The following GRAMD1B variants were observed in gnomAD, a reference collection of about 807,000 sequenced individuals.
GRAMD1B encodes protein Aster-B.
Under a neutral mutation model 99.7 loss-of-function variants are expected in GRAMD1B, and 37 were observed. The ratio of observed to expected loss-of-function variants is 0.37; its 90% CI spans 0.29 to 0.49. The LOEUF (loss-of-function observed/expected upper bound fraction) is 0.49. Ranked by LOEUF, GRAMD1B falls within the 20% of genes least tolerant of loss-of-function variation. The pLI is 0.98. For missense variants in GRAMD1B, 888 were observed against 1,009.2 expected, an observed-to-expected ratio of 0.88 and a Z score of 1.63; for synonymous variants, 427 against 387.6, an observed-to-expected ratio of 1.10 and a Z score of -1.19.
chr11:123,450,186 A>C (rs1386538667), intron 1 of GRAMD1B, among the ~76,000 whole-genome samples: 2 of 152,188 alleles, frequency 1.3e-5, no homozygotes, highest in Non-Finnish European at 2.9e-5. Flanking sequence ...TATAGTCTGC[A>C]AACAGCAGTT....
At chr11:123,375,772 A>T (rs1235895652) in intron 1 of GRAMD1B, among the ~76,000 whole-genome samples, 1 of 152,198 alleles carries the variant, frequency 6.6e-6, no homozygotes, top group Non-Finnish European at 1.5e-5. Flanking sequence ...AGTACAAGGC[A>T]TGTCATGTTG....
chr11:123,441,982 G>A (rs776741369), intron 1 of GRAMD1B, among the ~76,000 whole-genome samples: 19 of 152,138 alleles, frequency 1.2e-4, no homozygotes, highest in South Asian at 2.1e-4. Flanking sequence ...TAGTCCATGC[G>A]TTGAGGATAG....
At chr11:123,390,397 G>A (rs1223181541) in intron 1 of GRAMD1B, among the ~76,000 whole-genome samples, 5 of 152,230 alleles carry the variant, frequency 3.3e-5, no homozygotes, top group Admixed American at 2.6e-4. Flanking sequence ...CACTCTGTAC[G>A]CATCACCCTG....
intron 2 of GRAMD1B, chr11:123,559,784 T>C: frequency 1.7e-6 from 1 of 593,946 alleles, no homozygotes; most frequent in Non-Finnish European, 2.1e-6. Context: ...GCAGCTACAC[T>C]GAAGAGGCCC....
chr11:123,555,235 G>A (rs948615201), intron 2 of GRAMD1B, among the ~76,000 whole-genome samples: 2 of 152,166 alleles, frequency 1.3e-5, no homozygotes, highest in African/African-American at 2.4e-5. Flanking sequence ...TAGGAACAAC[G>A]GAACTTACCT....
At position 123,609,650 on chromosome 11, in the gene GRAMD1B, C is replaced by T. The variant is rs143340477; in HGVS notation, c.1658-145C>T. ...GCTACTCCTCCTCTTCCCACCCTCC[C>T]CCCGGCCCTCGGGCTCCCATTGGCT... On this transcript the variant is annotated intron_variant, in intron 12 of 19. Transcript: ENST00000635736. The T allele has an allele frequency of 3.0e-3, 1,805 of 594,912 alleles. 14 individuals carry two copies. The highest frequency in any genetic ancestry group is 0.014 in the Admixed American group (471 of 32,888). 36.9% of individuals were successfully genotyped at this position (594,912 alleles called of 1,614,324 possible).
At chr11:123,373,364 A>G (rs1269385071) in intron 1 of GRAMD1B, among the ~76,000 whole-genome samples, 1 of 152,160 alleles carries the variant, frequency 6.6e-6, no homozygotes, top group African/African-American at 2.4e-5. Context: ...CTTCTGATCT[A>G]CCAAGGTATG....
chr11:123,513,531 CTTCCTTCCTTCCTTTCCTTTCT>C (rs1941261242), intron 2 of GRAMD1B, among the ~76,000 whole-genome samples: 1 of 147,846 alleles, frequency 6.8e-6, no homozygotes, highest in African/African-American at 2.6e-5. Context: ...TCCTTCCTTC[CTTCCTTCCTTCCTTTCCTTTCT>C]TTCCTTCCTT....
At chr11:123,575,700 C>A (rs1948636520) in intron 2 of GRAMD1B, among the ~76,000 whole-genome samples, 1 of 152,142 alleles carries the variant, frequency 6.6e-6, no homozygotes, top group Admixed American at 6.5e-5. Context: ...ATCTGCCTGC[C>A]ACCAGCCCCA....
At chr11:123,544,617 A>G (rs935111593) in intron 2 of GRAMD1B, among the ~76,000 whole-genome samples, 3 of 152,114 alleles carry the variant, frequency 2.0e-5, no homozygotes, top group Non-Finnish European at 4.4e-5. Context: ...CTTGAGATGC[A>G]CAGGAGGTCC....
intron 2 of GRAMD1B, among the ~76,000 whole-genome samples, chr11:123,575,889 A>G (rs1948653436): frequency 6.6e-6 from 1 of 152,164 alleles, no homozygotes; most frequent in Admixed American, 6.5e-5. Flanking sequence ...ATTAGAAATG[A>G]GATTTTAAAT....
At position 123,627,734 on chromosome 11, in the gene GRAMD1B, T is replaced by G. The variant is rs1273977518; in HGVS notation, c.*5139T>G. The G allele has an allele frequency of 6.6e-6, 1 of 152,236 alleles. No homozygotes were observed. Among genetic ancestry groups the G allele is most frequent in the African/African-American group, 2.4e-5 (1 of 41,462 alleles). 9.4% of individuals were successfully genotyped at this position (152,236 alleles called of 1,614,324 possible). ...AGTAGCTAGAGCCATGGAAGTACAGTATGAATTAAAAAGAAAAAAGTATTG... is the reference window on the plus strand; with the variant it reads ...AGTAGCTAGAGCCATGGAAGTACAGGATGAATTAAAAAGAAAAAAGTATTG... On this transcript the variant is annotated 3_prime_UTR_variant, in exon 20 of 20. Coordinates refer to ENST00000635736, the MANE Select transcript of GRAMD1B (RefSeq NM_001387025.1).
Position 123,605,340 on chromosome 11 carries a change from T to C in GRAMD1B, c.1185T>C (p.Pro395=). 1.2e-6 allele frequency: 2 copies of C among 1,611,844 alleles called. No homozygotes were observed. Among genetic ancestry groups the C allele is most frequent in the Non-Finnish European group, 1.7e-6 (2 of 1,178,600 alleles). ...CTCTCAGATACTGTGAAGAGATCCC[T>C]GTGGAAGAGAATGAAGTGAATGACA... ...FNTMGYCEEI[P]VEENEVNDSS... Residue 395 remains proline, a synonymous_variant, in exon 10 of 20, where the codon CCT becomes CCC. Transcript: ENST00000635736.
upstream of GRAMD1B, among the ~76,000 whole-genome samples, chr11:123,426,562 C>T (rs1259751746): frequency 6.8e-6 from 1 of 146,674 alleles, no homozygotes; most frequent in East Asian, 1.9e-4. Flanking sequence ...TCACTGCCTG[C>T]TTCTTTCCCT....
At chr11:123,608,458 T>C (rs1019925881) in intron 11 of GRAMD1B, 3 of 1,505,992 alleles carry the variant, frequency 2.0e-6, no homozygotes, top group Non-Finnish European at 2.7e-6. Flanking sequence ...GGAAATGGTG[T>C]GCATCCCAGC....
At chr11:123,559,868 G>A (rs908490523) in intron 2 of GRAMD1B, among the ~76,000 whole-genome samples, 6 of 152,184 alleles carry the variant, frequency 3.9e-5, no homozygotes, top group African/African-American at 1.4e-4. Context: ...GCCTCGGGCC[G>A]TGAGAGAGCC....
intron 2 of GRAMD1B, among the ~76,000 whole-genome samples, chr11:123,514,186 CAAG>C (rs1941447572): frequency 6.6e-6 from 1 of 151,962 alleles, no homozygotes; most frequent in East Asian, 1.9e-4. Context: ...ATCAGGGACG[CAAG>C]AAGAATTACT....
chr11:123,477,637 C>G (rs1183290645), intron 1 of GRAMD1B, among the ~76,000 whole-genome samples: 2 of 138,078 alleles, frequency 1.4e-5, no homozygotes, highest in Non-Finnish European at 3.1e-5. Flanking sequence ...CCCCTCCCCT[C>G]CCTTCCCTCC....
chr11:123,431,054 G>A lies in GRAMD1B; in HGVS notation c.262G>A (p.Glu88Lys), dbSNP rs1287961827. 1.4e-6 allele frequency: 1 copy of A among 702,880 alleles called. No individual in the cohort carries two copies. The allele number at this position is 702,880 out of a possible 1,614,324, so 43.5% of individuals were successfully genotyped here. ...CATCGAGATCACGCCCTCCAGCGAC[G>A]AGGACACCCCGTGGTCCAACTGCTC... ...PSIEITPSSD[E>K]DTPWSNCSTP... The change falls in exon 1 of 20, where the codon GAG (glutamate) becomes AAG (lysine). Residue 88 changes from glutamate to lysine, a missense_variant. By Grantham distance (56) the Glu-to-Lys change is moderately conservative (BLOSUM62 1). Around this residue, in one of 5 missense-constraint regions of GRAMD1B, gnomAD observed 233 missense variants for 154.6 expected, o/e 1.51. Transcript: ENST00000635736.
Sources: gnomAD v4.1 joint callset for allele counts (sites outside exome capture counted in the v4.1 genomes callset) on GRCh38, gnomAD v4.1.1 for gene constraint, gnomAD v4.1.1 regional missense constraint, MANE v1.5 for transcripts, NCBI Gene and HGNC (gene_info 2026-07-23, HGNC 2026-07-21) for gene names.